The following RBFOX1 variants were observed in gnomAD, a reference collection of about 807,000 sequenced individuals.
The protein encoded by RBFOX1 is RNA binding fox-1 homolog 1, also known as RNA binding protein fox-1 homolog 1.
RBFOX1 carries 8 observed loss-of-function variants against 57.7 expected under a neutral mutation model. That is an observed-to-expected ratio of 0.14 (90% CI 0.08 to 0.25). The LOEUF is 0.25. Among genes scored for constraint, RBFOX1 ranks in the 10% least tolerant of loss-of-function variants. RBFOX1 has a pLI of 1.00. For missense variants in RBFOX1, 611 were observed against 548.5 expected (o/e 1.11, Z -1.14); for synonymous variants, 326 against 222.4 (o/e 1.47, Z -4.15).
At chr16:6,471,652 C>T (rs2095177024) in intron 2 of RBFOX1, among the ~76,000 whole-genome samples, 1 of 150,790 alleles carries the variant, frequency 6.6e-6, no homozygotes, top group East Asian at 1.9e-4. Flanking sequence ...GATTGTATTT[C>T]TGACAGGCTG....
intron 3 of RBFOX1, among the ~76,000 whole-genome samples, chr16:6,938,272 G>C (rs970679663): frequency 1.6e-4 from 25 of 152,154 alleles, no homozygotes; most frequent in African/African-American, 5.8e-4. Context: ...ATGCTGCGCA[G>C]ATCTTTAGCC....
intron 3 of RBFOX1, among the ~76,000 whole-genome samples, chr16:5,812,119 T>C (rs2055453768): frequency 6.6e-6 from 1 of 152,176 alleles, no homozygotes; most frequent in Non-Finnish European, 1.5e-5. Context: ...TGTAACAGTG[T>C]TTGGTTCTTT....
chr16:7,224,043 C>T (rs1360835559), intron 4 of RBFOX1, among the ~76,000 whole-genome samples: 1 of 139,588 alleles, frequency 7.2e-6, no homozygotes, highest in Non-Finnish European at 1.5e-5. Context: ...TATTTATGAC[C>T]TTTGGGATGC....
chr16:7,360,645 A>T (rs752030344), intron 4 of RBFOX1, among the ~76,000 whole-genome samples: 1 of 152,174 alleles, frequency 6.6e-6, no homozygotes, highest in African/African-American at 2.4e-5. Flanking sequence ...CTATGATACA[A>T]AGTTCCTCTC....
intron 4 of RBFOX1, among the ~76,000 whole-genome samples, chr16:7,364,589 A>G (rs1331592305): frequency 6.7e-6 from 1 of 149,528 alleles, no homozygotes; most frequent in Non-Finnish European, 1.5e-5. Flanking sequence ...AAAAAAAAAA[A>G]CAAAAAAAAA....
rs949871868 is a variant in RBFOX1, at chr16:7,709,572, G to C, written c.1071+441G>C. 7 of 1,529,776 alleles carry C rather than the reference G, an allele frequency of 4.6e-6. No individual in the cohort carries two copies. In the African/African-American group the frequency reaches 9.6e-5, roughly 21 times the overall value. The allele number at this position is 1,529,776 out of a possible 1,614,324, so 94.8% of individuals were successfully genotyped here. On this transcript the variant is annotated intron_variant, in intron 15 of 15. Coordinates refer to ENST00000550418, the MANE Select transcript of RBFOX1 (RefSeq NM_018723.4). ...CAGGCCTCTGCTGTCAGGCAGCTGA[G>C]AATCTGACTGCCTCTCCTCCCCTAT...
rs907116857 is a variant in RBFOX1 at position 5,770,854 on chromosome 16, C to A, written c.319-96449C>A. Among the ~76,000 whole-genome samples, 32 of 152,340 alleles carry A rather than the reference C, an allele frequency of 2.1e-4. 1 individual carries two copies. In the South Asian group the frequency reaches 2.9e-3, roughly 14 times the overall value. ...CCCATGACAGACATCACTAGTTGAT[C>A]ACGGCACTCTTTTTCTCTGAGCTGA... On this transcript the variant is annotated intron_variant, in intron 3 of 19. Transcript: ENST00000641259.
At chr16:7,490,830 C>A (rs112162687) in intron 4 of RBFOX1, among the ~76,000 whole-genome samples, 1 of 152,146 alleles carries the variant, frequency 6.6e-6, no homozygotes, top group Non-Finnish European at 1.5e-5. Context: ...CCATCTTACC[C>A]AGAAACAGCA....
At chr16:7,538,301 G>T (rs570583652) in intron 5 of RBFOX1, among the ~76,000 whole-genome samples, 6 of 152,096 alleles carry the variant, frequency 3.9e-5, no homozygotes, top group Non-Finnish European at 7.4e-5. Context: ...GTCCAGCAAT[G>T]GTATGTGCTG....
At chr16:5,555,135 C>CA (rs2045620361) in intron 2 of RBFOX1, among the ~76,000 whole-genome samples, 1 of 152,194 alleles carries the variant, frequency 6.6e-6, no homozygotes, top group Admixed American at 6.5e-5. Flanking sequence ...AAGAGCCCCC[C>CA]TTGCCTGCAT....
intron 3 of RBFOX1, among the ~76,000 whole-genome samples, chr16:5,678,340 C>G (rs560986911): frequency 6.6e-6 from 1 of 152,206 alleles, no homozygotes; most frequent in South Asian, 2.1e-4. Flanking sequence ...TCTTAAGCCT[C>G]TGTTGCAATT....
At chr16:6,999,249 G>C (rs1380162628) in intron 3 of RBFOX1, among the ~76,000 whole-genome samples, 1 of 92,732 alleles carries the variant, frequency 1.1e-5, no homozygotes, top group Non-Finnish European at 2.5e-5. Flanking sequence ...TTAGAGATCA[G>C]GTCTCACTTG....
chr16:6,330,868 T>C (rs2082939012), intron 2 of RBFOX1, among the ~76,000 whole-genome samples: 1 of 152,134 alleles, frequency 6.6e-6, no homozygotes, highest in Non-Finnish European at 1.5e-5. Context: ...CTAGGGCAAA[T>C]TCTCTGGGAG....
chr16:5,703,552 A>T (rs1022218115), intron 3 of RBFOX1, among the ~76,000 whole-genome samples: 2 of 152,204 alleles, frequency 1.3e-5, no homozygotes, highest in East Asian at 3.9e-4. Context: ...ATGGAAGCCT[A>T]TTTAAAGATT....
chr16:7,089,898 T>A (rs2060545929), intron 4 of RBFOX1, among the ~76,000 whole-genome samples: 1 of 87,836 alleles, frequency 1.1e-5, no homozygotes, highest in Non-Finnish European at 2.2e-5. Context: ...TTAATTCAGA[T>A]TTTTTTTCTG....
intron 4 of RBFOX1, among the ~76,000 whole-genome samples, chr16:7,233,700 C>A (rs1318681550): frequency 6.6e-6 from 1 of 152,222 alleles, no homozygotes; most frequent in Non-Finnish European, 1.5e-5. Flanking sequence ...GCCCCATGAA[C>A]TTCCAACTCG....
intron 3 of RBFOX1, among the ~76,000 whole-genome samples, chr16:6,860,042 C>T (rs546951947): frequency 2.0e-5 from 3 of 152,252 alleles, no homozygotes; most frequent in East Asian, 1.9e-4. Flanking sequence ...CCTGATGGAA[C>T]GAGCTATAAT....
At chr16:7,293,438 G>T (rs1232367173) in intron 4 of RBFOX1, among the ~76,000 whole-genome samples, 1 of 152,128 alleles carries the variant, frequency 6.6e-6, no homozygotes, top group Non-Finnish European at 1.5e-5. Context: ...TTTAAAATGA[G>T]AATCACATCT....
At chr16:5,864,464 A>G (rs2057298524) in intron 3 of RBFOX1, among the ~76,000 whole-genome samples, 1 of 151,478 alleles carries the variant, frequency 6.6e-6, no homozygotes, top group East Asian at 1.9e-4. Flanking sequence ...TGTCGGTTTG[A>G]TGTATCTCCT....
Sources: allele counts gnomAD v4.1 joint callset (sites outside exome capture counted in the v4.1 genomes callset), GRCh38; gene constraint gnomAD v4.1.1; transcripts MANE v1.5; gene names NCBI Gene and HGNC (gene_info 2026-07-23, HGNC 2026-07-21).